The following SLC45A3 variants were observed in gnomAD, a reference collection of about 807,000 sequenced individuals.
SLC45A3 encodes solute carrier family 45 member 3.
Under a neutral mutation model 35.3 loss-of-function variants are expected in SLC45A3, and 17 were observed. That is an observed-to-expected ratio of 0.48 (90% confidence interval 0.33 to 0.72). The LOEUF is 0.72. SLC45A3 is among the 30% of genes least tolerant of loss of function. The probability of loss-of-function intolerance (pLI) is 0.02; values close to 1 mark genes in which losing one functional copy is unlikely to be tolerated. For missense variants in SLC45A3, 597 were observed against 731.7 expected, an observed-to-expected ratio of 0.82 and a Z score of 2.12; for synonymous variants, 288 against 334.3, an observed-to-expected ratio of 0.86 and a Z score of 1.51.
intron 4 of SLC45A3, among the ~76,000 whole-genome samples, chr1:205,660,144 T>C (rs1670993536): frequency 6.6e-6 from 1 of 151,982 alleles, no homozygotes; most frequent in African/African-American, 2.4e-5. Flanking sequence ...AAATCCTCAT[T>C]GCCCGGTGCA....
Position 205,672,207 on chromosome 1 carries a change from T to C in SLC45A3, c.-230-7321A>G, listed in dbSNP as rs1051463907. 1.5e-4 allele frequency among the ~76,000 whole-genome samples: 23 copies of C among 151,924 alleles called. No individual in the cohort carries two copies. In the Middle Eastern group the frequency reaches 0.017, roughly 112 times the overall value. On this transcript the variant is annotated intron_variant, in intron 1 of 4. Coordinates refer to ENST00000367145, the MANE Select transcript of SLC45A3 (RefSeq NM_033102.3). The stretch of plus-strand genomic sequence containing the variant: ...AAGTACACTTTCTTCTCGGTTTCCA[T>C]TCCCCCCCCTCACCCACGTGCCTCC...
chr1:205,670,254 G>C (rs752383195), intron 1 of SLC45A3, among the ~76,000 whole-genome samples: 1 of 152,186 alleles, frequency 6.6e-6, no homozygotes, highest in Non-Finnish European at 1.5e-5. Context: ...CCATGTGCTT[G>C]GGCTGCTGGG....
chr1:205,660,233 G>A (rs539306203), intron 4 of SLC45A3, among the ~76,000 whole-genome samples: 1 of 152,156 alleles, frequency 6.6e-6, no homozygotes, highest in South Asian at 2.1e-4. Flanking sequence ...CCCAGCCTTG[G>A]GGCAGGGAGA....
In SLC45A3 at chr1:205,666,245, T is replaced by A. The variant is rs1013049755; in HGVS notation, c.-230-1359A>T. Among the ~76,000 whole-genome samples, 62 of 152,072 alleles carry A rather than the reference T, an allele frequency of 4.1e-4. No individual in the cohort carries two copies. Among genetic ancestry groups the A allele is most frequent in the African/African-American group, 1.5e-3 (61 of 41,410 alleles). On this transcript the variant is annotated intron_variant, in intron 1 of 4. Coordinates refer to ENST00000367145, the MANE Select transcript of SLC45A3 (RefSeq NM_033102.3). The surrounding 1 kb of genome is among the most constrained non-coding windows in gnomAD (Gnocchi z 4.1). The stretch of plus-strand genomic sequence containing the variant: ...AGCCAGGACTGAGTGTGGTGGCTCA[T>A]GCCTATAATCCCAGAACTTCAAGAG...
chr1:205,662,091 A>G lies in SLC45A3; in HGVS notation c.994T>C (p.Cys332Arg). The G allele has an allele frequency of 1.9e-6, 3 of 1,614,000 alleles. No individual in the cohort carries two copies. The South Asian group carries it at 3.3e-5, about 18-fold the overall frequency. Residue 332 changes from cysteine to arginine, a missense_variant, in exon 4 of 5, where the codon TGC (cysteine) becomes CGC (arginine). Cys to Arg is a radical substitution (Grantham distance 180). Coordinates refer to ENST00000367145, the MANE Select transcript of SLC45A3 (RefSeq NM_033102.3). This position sits in a 1 kb window ranked among gnomAD's most constrained non-coding sequence, Gnocchi z 6.2. Reference sequence around the variant, plus strand: ...AGAGAGAAGACCAGGGAGATGGCGCACTGCAGGAACAGCCCCAGGCTGCCC... The same window carrying G: ...AGAGAGAAGACCAGGGAGATGGCGCGCTGCAGGAACAGCCCCAGGCTGCCC... ...RMGSLGLFLQ[C>R]AISLVFSLVM...
rs1013049755 is a variant in SLC45A3, at chr1:205,666,245, T to G, written c.-230-1359A>C. On this transcript the variant is annotated intron_variant, in intron 1 of 4. Transcript: ENST00000367145. This position sits in a 1 kb window ranked among gnomAD's most constrained non-coding sequence, Gnocchi z 4.1. ...AGCCAGGACTGAGTGTGGTGGCTCA[T>G]GCCTATAATCCCAGAACTTCAAGAG... is the stretch of plus-strand genomic sequence containing the variant. 4.6e-5 allele frequency among the ~76,000 whole-genome samples: 7 copies of G among 152,190 alleles called. No homozygotes were observed. In the South Asian group the frequency reaches 1.5e-3, roughly 32 times the overall value.
At position 205,664,354 on chromosome 1, in the gene SLC45A3, C is replaced by A; in HGVS notation, c.172+131G>T. ...TGTGCCCCCTCAGCCCAGGGTCACC[C>A]TCCTGCCCAGCAATGCCTTCCCAGC... On this transcript the variant is annotated intron_variant, in intron 2 of 4. Coordinates refer to ENST00000367145, the MANE Select transcript of SLC45A3 (RefSeq NM_033102.3). The surrounding 1 kb of genome is among the most constrained non-coding windows in gnomAD (Gnocchi z 5.3). 8.0e-7 allele frequency: 1 copy of A among 1,250,638 alleles called. No homozygotes were observed. Among genetic ancestry groups the A allele is most frequent in the Non-Finnish European group, 1.1e-6 (1 of 883,672 alleles). The allele number at this position is 1,250,638 out of a possible 1,614,324, so 77.5% of individuals were successfully genotyped here. A position where few individuals can be genotyped will look rare whatever the true frequency, so the allele number is the denominator to read the frequency against.
In SLC45A3 at chr1:205,658,879, A is replaced by G. The variant is rs186356140; in HGVS notation, c.*355T>C. 96 of 289,050 alleles carry G rather than the reference A, an allele frequency of 3.3e-4. No individual in the cohort carries two copies. Among genetic ancestry groups the G allele is most frequent in the African/African-American group, 1.6e-3 (75 of 47,428 alleles). The allele number at this position is 289,050 out of a possible 1,614,324, so 17.9% of individuals were successfully genotyped here. A position where few individuals can be genotyped will look rare whatever the true frequency, so the allele number is the denominator to read the frequency against. ...ATTCAGCTCCCAAAAACCCTTCTCT[A>G]GGTGTGTCTCAACTAGGAGGCTAGC... is the stretch of plus-strand genomic sequence containing the variant. On this transcript the variant is annotated 3_prime_UTR_variant, in exon 5 of 5. Coordinates refer to ENST00000367145, the MANE Select transcript of SLC45A3 (RefSeq NM_033102.3).
intron 1 of SLC45A3, among the ~76,000 whole-genome samples, chr1:205,670,228 C>T (rs1474964015): frequency 6.6e-6 from 1 of 152,184 alleles, no homozygotes; most frequent in Admixed American, 6.5e-5. Context: ...ATGACAGATC[C>T]CCTTTGTGAG....
At chr1:205,667,937 G>GC (rs1412513134) in intron 1 of SLC45A3, among the ~76,000 whole-genome samples, 2 of 152,054 alleles carry the variant, frequency 1.3e-5, no homozygotes, top group Admixed American at 1.3e-4. Flanking sequence ...TTTCTCCAAC[G>GC]CCCCCCATCC....
At chr1:205,671,055 G>A (rs756311730) in intron 1 of SLC45A3, among the ~76,000 whole-genome samples, 9 of 152,224 alleles carry the variant, frequency 5.9e-5, no homozygotes, top group Non-Finnish European at 1.0e-4. Context: ...GAGATTGGGG[G>A]AAGGGGAGGG....
chr1:205,660,160 G>A (rs79007451), intron 4 of SLC45A3, among the ~76,000 whole-genome samples: 2,064 of 152,154 alleles, frequency 0.014, 52 homozygotes, highest in African/African-American at 0.047. Flanking sequence ...GTGCAGAGAA[G>A]CTCTGCCTCT....
At chr1:205,680,190 G>A (rs1217151847) in intron 1 of SLC45A3, among the ~76,000 whole-genome samples, 1 of 151,690 alleles carries the variant, frequency 6.6e-6, no homozygotes, top group Non-Finnish European at 1.5e-5. Context: ...CCGGGCACTC[G>A]GCACCCGCCC....
At chr1:205,670,379 C>A (rs1671190007) in intron 1 of SLC45A3, among the ~76,000 whole-genome samples, 1 of 152,160 alleles carries the variant, frequency 6.6e-6, no homozygotes, top group African/African-American at 2.4e-5. Flanking sequence ...TCTCTGCTTT[C>A]CCCAGTCTTG....
Position 205,663,051 on chromosome 1 carries a change from C to T in SLC45A3, c.740G>A (p.Arg247His), listed in dbSNP as rs765451038. ...LSPHCCPCRA[R>H]LAFRNLGALL... ...GGCGCCCAGGTTCCGGAAAGCCAAG[C>T]GGGCCCGGCATGGACAGCAGTGGGG... is the stretch of plus-strand genomic sequence containing the variant. Residue 247 changes from arginine (R) to histidine (H), a missense_variant, in exon 3 of 5, where the codon CGC becomes CAC. By Grantham distance (29) the Arg-to-His change is conservative. Transcript: ENST00000367145. 2.1e-5 allele frequency: 33 copies of T among 1,608,266 alleles called. No homozygotes were observed. In the East Asian group the frequency reaches 2.2e-4, roughly 11 times the overall value.
At chr1:205,661,736 T>G (rs1671027518) in intron 4 of SLC45A3, 125 bp downstream of exon 4, 7 of 1,382,548 alleles carry the variant, frequency 5.1e-6, no homozygotes, top group East Asian at 4.8e-5. Flanking sequence ...AGGATAAGCT[T>G]CTTCTCTGAT....
At chr1:205,680,360 C>A (rs1334073099) in intron 1 of SLC45A3, 34 bp downstream of exon 1, 1 of 151,834 alleles carries the variant, frequency 6.6e-6, no homozygotes, top group Non-Finnish European at 1.5e-5. Context: ...CGCCGGGACC[C>A]TCACCCCTGG....
At position 205,664,642 on chromosome 1, in the gene SLC45A3, C is replaced by T; in HGVS notation, c.15G>A (p.Leu5=). The change falls in exon 2 of 5, where the codon CTG becomes CTA. Residue 5 remains leucine, a synonymous_variant. Coordinates refer to ENST00000367145, the MANE Select transcript of SLC45A3 (RefSeq NM_033102.3). The surrounding 1 kb of genome is among the most constrained non-coding windows in gnomAD (Gnocchi z 5.3). MVQR[L]WVSRLLRHRK... is the part of the protein sequence containing the mutation. ...GGTGCCGCAGCAGGCGGCTCACCCA[C>T]AGCCTCTGGACCATAGTGGGCCAGG... is the stretch of plus-strand genomic sequence containing the variant. The T allele has an allele frequency of 6.2e-7, 1 of 1,614,238 alleles. No homozygotes were observed. Among genetic ancestry groups the T allele is most frequent in the Non-Finnish European group, 8.5e-7 (1 of 1,180,034 alleles).
At chr1:205,676,962 G>GT (rs1160406261) in intron 1 of SLC45A3, among the ~76,000 whole-genome samples, 1 of 152,154 alleles carries the variant, frequency 6.6e-6, no homozygotes, top group Non-Finnish European at 1.5e-5. Flanking sequence ...GCTAGGCTGG[G>GT]TTTTTTTCTG....
Sources: gnomAD v4.1 joint callset for allele counts (sites outside exome capture counted in the v4.1 genomes callset) on GRCh38, gnomAD v4.1.1 for gene constraint, Gnocchi (gnomAD v3.1) non-coding constraint, MANE v1.5 for transcripts, NCBI Gene and HGNC (gene_info 2026-07-23, HGNC 2026-07-21) for gene names.